ZFHX3: variants seen among roughly 807,000 people sequenced by gnomAD.
ZFHX3 encodes zinc finger homeobox protein 3.
In ZFHX3, 42 loss-of-function variants were observed where a neutral mutation model predicts 279.1. The ratio of observed to expected loss-of-function variants is 0.15; its 90% confidence interval spans 0.12 to 0.19. The LOEUF (loss-of-function observed/expected upper bound fraction) is 0.19. Among genes scored for constraint, ZFHX3 ranks in the 10% least tolerant of loss-of-function variants. The pLI, the probability that ZFHX3 is intolerant of heterozygous loss-of-function variation, is 1.00. For synonymous variants in ZFHX3, 2,293 were observed against 1,957.8 expected, an observed-to-expected ratio of 1.17 and a Z score of -4.52; for missense variants, 4,981 against 4,754.0, an observed-to-expected ratio of 1.05 and a Z score of -1.40.
chr16:73,192,040 G>C (rs1968049884), intron 5 of ZFHX3, among the ~76,000 whole-genome samples: 1 of 152,218 alleles, frequency 6.6e-6, no homozygotes, highest in Non-Finnish European at 1.5e-5. Context: ...GTGGTGGGGG[G>C]TTCACGCAAA....
intron 3 of ZFHX3, among the ~76,000 whole-genome samples, chr16:73,439,006 A>T (rs541330161): frequency 6.6e-6 from 1 of 152,346 alleles, no homozygotes; most frequent in East Asian, 1.9e-4. Flanking sequence ...AAAGGAAAGG[A>T]TGGAGATTTG....
At chr16:72,877,645 G>A (rs7197411) in intron 4 of ZFHX3, among the ~76,000 whole-genome samples, 18,212 of 152,134 alleles carry the variant, frequency 0.12, 3,049 homozygotes, top group African/African-American at 0.38. Flanking sequence ...ATACTTGGGC[G>A]GTGAGTCACT....
At chr16:73,627,231 G>C (rs1002522215) in intron 2 of ZFHX3, among the ~76,000 whole-genome samples, 3 of 152,200 alleles carry the variant, frequency 2.0e-5, no homozygotes, top group Non-Finnish European at 4.4e-5. Context: ...GCTCCAAACT[G>C]TCTGTGATTG....
chr16:73,715,473 G>C (rs962013402), intron 1 of ZFHX3, among the ~76,000 whole-genome samples: 11 of 151,044 alleles, frequency 7.3e-5, no homozygotes, highest in Non-Finnish European at 1.2e-4. Context: ...CTGTGAGAGA[G>C]CTTATGGAGG....
At chr16:72,803,724 T>A (rs2143520358) in intron 7 of ZFHX3, among the ~76,000 whole-genome samples, 1 of 152,296 alleles carries the variant, frequency 6.6e-6, no homozygotes, top group Admixed American at 6.5e-5. Flanking sequence ...AATCCATACA[T>A]CAATAAACAT....
chr16:73,028,466 G>A (rs34812517), intron 1 of ZFHX3, among the ~76,000 whole-genome samples: 8,990 of 152,204 alleles, frequency 0.059, 280 homozygotes, highest in Middle Eastern at 0.095. Flanking sequence ...TGCTGGGGCT[G>A]CCACACACCG....
At chr16:72,994,350 C>T (rs2068360) in intron 1 of ZFHX3, among the ~76,000 whole-genome samples, 40,078 of 152,202 alleles carry the variant, frequency 0.26, 5,612 homozygotes, top group Middle Eastern at 0.34. Context: ...ATTACTTCCA[C>T]CTTCAGAAGG....
At chr16:72,908,528 T>TG (rs1167581507) in intron 3 of ZFHX3, among the ~76,000 whole-genome samples, 4 of 152,212 alleles carry the variant, frequency 2.6e-5, no homozygotes, top group Non-Finnish European at 5.9e-5. Context: ...AGGAATTGAT[T>TG]ACTTGATCGT....
intron 5 of ZFHX3, among the ~76,000 whole-genome samples, chr16:73,147,904 C>T (rs549414586): frequency 5.9e-4 from 90 of 152,112 alleles, no homozygotes; most frequent in Middle Eastern, 3.4e-3. Context: ...ATAGCCCGGG[C>T]TTTTCCATGA....
In ZFHX3 at chr16:73,620,522, C is replaced by A. The variant is rs545829566; in HGVS notation, c.-1547+59658G>T. ...ATGTCTCAACACTTAGGGCAGCATTCCTGGTTTGAATAAATGTGAACCCAC... is the reference window on the plus strand; with the variant it reads ...ATGTCTCAACACTTAGGGCAGCATTACTGGTTTGAATAAATGTGAACCCAC... On this transcript the variant is annotated intron_variant, in intron 2 of 17. Transcript: ENST00000641206. Among the ~76,000 whole-genome samples, 62 of 152,242 alleles carry A rather than the reference C, an allele frequency of 4.1e-4. 1 individual carries two copies. The highest frequency in any genetic ancestry group is 1.5e-3 in the African/African-American group (61 of 41,550).
In ZFHX3 at chr16:72,794,675, C is replaced by T. The variant is rs770187617; in HGVS notation, c.8007G>A (p.Lys2669=). 5 of 1,614,128 alleles carry T rather than the reference C, an allele frequency of 3.1e-6. No homozygotes were observed. The African/African-American group carries it at 5.3e-5, about 17-fold the overall frequency. Residue 2669 remains lysine, a synonymous_variant, in exon 9 of 10, where the codon AAG becomes AAA. Coordinates refer to ENST00000268489, the MANE Select transcript of ZFHX3 (RefSeq NM_006885.4). The surrounding 1 kb of genome is among the most constrained non-coding windows in gnomAD (Gnocchi z 4.2). ...KYLLDSNPTR[K]MLDHIAHEVG... ...CCTCGTGTGCAATGTGATCCAACAT[C>T]TTTCGAGTCGGATTGGAATCCAGTA...
chr16:73,122,008 T>G (rs1012786849), intron 7 of ZFHX3, among the ~76,000 whole-genome samples: 2 of 152,150 alleles, frequency 1.3e-5, no homozygotes, highest in African/African-American at 4.8e-5. Flanking sequence ...TTCATGAATA[T>G]TATTATTCAT....
chr16:73,815,000 A>G (rs1960527753), intron 1 of ZFHX3, among the ~76,000 whole-genome samples: 1 of 152,232 alleles, frequency 6.6e-6, no homozygotes, highest in African/African-American at 2.4e-5. Flanking sequence ...ACTTAAAAGT[A>G]GGGTGATAAT....
intron 2 of ZFHX3, among the ~76,000 whole-genome samples, chr16:73,664,374 A>T (rs1485492311): frequency 6.6e-6 from 1 of 152,240 alleles, no homozygotes; most frequent in South Asian, 2.1e-4. Flanking sequence ...AAAATCGAAG[A>T]TGGCTTAAGG....
chr16:72,992,630 C>T (rs2144573990), intron 1 of ZFHX3, among the ~76,000 whole-genome samples: 1 of 152,286 alleles, frequency 6.6e-6, no homozygotes, highest in Non-Finnish European at 1.5e-5. Flanking sequence ...GAGGCCAGCA[C>T]TTCTCTAGGT....
At chr16:73,143,329 T>G (rs1338389303) in intron 6 of ZFHX3, among the ~76,000 whole-genome samples, 1 of 151,666 alleles carries the variant, frequency 6.6e-6, no homozygotes, top group African/African-American at 2.4e-5. Context: ...TAACGAAGCC[T>G]TCACCAAGAA....
At chr16:73,512,272 CA>C (rs3087038) in intron 2 of ZFHX3, among the ~76,000 whole-genome samples, 3,059 of 87,730 alleles carry the variant, frequency 0.035, 74 homozygotes, top group African/African-American at 0.078. Context: ...CACTAAAATA[CA>C]AAAAAAAAAA....
At chr16:73,052,217 T>TA (rs11375852), upstream of ZFHX3, among the ~76,000 whole-genome samples, 45,658 of 149,020 alleles carry the variant, frequency 0.31, 7,140 homozygotes, top group East Asian at 0.51. Flanking sequence ...ATTGTAGATT[T>TA]AAAAAAAAAA....
chr16:72,819,448 G>A (rs1401929405), intron 5 of ZFHX3, among the ~76,000 whole-genome samples: 1 of 152,156 alleles, frequency 6.6e-6, no homozygotes, highest in African/African-American at 2.4e-5. Context: ...TCCCGGGCAG[G>A]GCTCATTAAA....
Sources: allele counts gnomAD v4.1 joint callset (sites outside exome capture counted in the v4.1 genomes callset), GRCh38; gene constraint gnomAD v4.1.1; non-coding constraint Gnocchi (gnomAD v3.1); transcripts MANE v1.5; gene names NCBI Gene and HGNC (gene_info 2026-07-23, HGNC 2026-07-21).